NECAB1: variants seen among roughly 807,000 people sequenced by gnomAD.
NECAB1 encodes N-terminal EF-hand calcium-binding protein 1.
NECAB1 carries 29 observed loss-of-function variants against 57.5 expected under a neutral mutation model. The observed-to-expected ratio is 0.50, with a 90% CI of 0.38 to 0.69. NECAB1 has a LOEUF of 0.69. NECAB1 is among the 30% of genes least tolerant of loss of function. The pLI, the probability that NECAB1 is intolerant of heterozygous loss-of-function variation, is 0.00. For missense variants in NECAB1, 372 were observed against 413.8 expected (o/e 0.90, Z 0.88); for synonymous variants, 142 against 147.7 (o/e 0.96, Z 0.28).
chr8:90,833,013 G>T lies in NECAB1; in HGVS notation c.233+8188G>T, dbSNP rs369343627. 5.9e-5 allele frequency among the ~76,000 whole-genome samples: 9 copies of T among 152,102 alleles called. No individual in the cohort carries two copies. In the East Asian group the frequency reaches 1.3e-3, roughly 23 times the overall value. ...AATATATTTGATGTATACTATAGAG[G>T]TAATTGCTTTAATTGCTGCCTTTTT... On this transcript the variant is annotated intron_variant, in intron 3 of 12. Transcript: ENST00000417640.
intron 1 of NECAB1, among the ~76,000 whole-genome samples, chr8:90,792,984 G>A (rs1401832190): frequency 6.6e-6 from 1 of 152,124 alleles, no homozygotes; most frequent in Non-Finnish European, 1.5e-5. Flanking sequence ...TTCTTGTTTA[G>A]GCATGATAGA....
At chr8:90,792,065 G>A in intron 1 of NECAB1, 80 bp downstream of exon 1, 1 of 1,131,192 alleles carries the variant, frequency 8.8e-7, no homozygotes. Flanking sequence ...CGGCTCAGGT[G>A]CTGACCAGCC....
At chr8:90,923,603 T>C (rs1357312223) in intron 6 of NECAB1, among the ~76,000 whole-genome samples, 1 of 151,868 alleles carries the variant, frequency 6.6e-6, no homozygotes, top group Non-Finnish European at 1.5e-5. Context: ...AAAGGACAAA[T>C]CAAACACAAG....
At chr8:90,803,964 A>G (rs1408807469) in intron 2 of NECAB1, among the ~76,000 whole-genome samples, 1 of 152,188 alleles carries the variant, frequency 6.6e-6, no homozygotes, top group Non-Finnish European at 1.5e-5. Flanking sequence ...ACAATTGGAC[A>G]AATTAGCACA....
intron 1 of NECAB1, among the ~76,000 whole-genome samples, chr8:90,799,974 A>G (rs1211780437): frequency 6.6e-6 from 1 of 152,058 alleles, no homozygotes; most frequent in Admixed American, 6.6e-5. Flanking sequence ...GTCATCTATG[A>G]TTTCTTTCAG....
chr8:90,937,990 G>T (rs1301634480), intron 9 of NECAB1, among the ~76,000 whole-genome samples: 1 of 152,118 alleles, frequency 6.6e-6, no homozygotes, highest in Non-Finnish European at 1.5e-5. Context: ...TACAAGAAAG[G>T]CTAGGGTATC....
At chr8:90,848,601 A>G (rs1812614166) in intron 3 of NECAB1, among the ~76,000 whole-genome samples, 1 of 152,216 alleles carries the variant, frequency 6.6e-6, no homozygotes, top group Non-Finnish European at 1.5e-5. Flanking sequence ...GGGAGGCCTC[A>G]CAATCATGGC....
chr8:90,922,486 A>ATTTTTTTTTTTTTTTTTTCTTTTTT (rs1810141669), intron 6 of NECAB1, among the ~76,000 whole-genome samples: 1 of 57,520 alleles, frequency 1.7e-5, no homozygotes, highest in Non-Finnish European at 3.3e-5. Context: ...AAAAACTTGG[A>ATTTTTTTTTTTTTTTTTTCTTTTTT]TTTTTTTTTT....
chr8:90,919,023 T>G (rs1344718954), intron 6 of NECAB1, among the ~76,000 whole-genome samples: 1 of 151,702 alleles, frequency 6.6e-6, no homozygotes, highest in African/African-American at 2.4e-5. Flanking sequence ...AAGTGAATGA[T>G]GGAAATTATT....
intron 9 of NECAB1, among the ~76,000 whole-genome samples, chr8:90,936,367 T>A (rs1586141245): frequency 6.6e-6 from 1 of 152,312 alleles, no homozygotes; most frequent in East Asian, 1.9e-4. Context: ...ACTGATCCTT[T>A]GCTATGTGCC....
intron 2 of NECAB1, 140 bp downstream of exon 2, chr8:90,801,855 A>T: frequency 1.8e-6 from 1 of 568,358 alleles, no homozygotes. Context: ...ATCGTTTTAG[A>T]TAAGTTTTAG....
intron 5 of NECAB1, among the ~76,000 whole-genome samples, chr8:90,908,856 A>G (rs1809757910): frequency 6.6e-6 from 1 of 152,082 alleles, no homozygotes; most frequent in South Asian, 2.1e-4. Flanking sequence ...GTGTTTTATT[A>G]TGGTTTTATT....
chr8:90,885,457 G>A (rs879866919), intron 5 of NECAB1, among the ~76,000 whole-genome samples: 47 of 152,142 alleles, frequency 3.1e-4, no homozygotes, highest in African/African-American at 1.2e-4. Context: ...CCGTGGCTAT[G>A]ACCAAAAAGA....
intron 5 of NECAB1, among the ~76,000 whole-genome samples, chr8:90,884,382 T>C (rs778205375): frequency 6.6e-6 from 1 of 152,208 alleles, no homozygotes; most frequent in Non-Finnish European, 1.5e-5. Context: ...TCCATAGTCC[T>C]TTCACTAAAG....
At chr8:90,823,863 C>G (rs769128041) in intron 2 of NECAB1, among the ~76,000 whole-genome samples, 49 of 151,818 alleles carry the variant, frequency 3.2e-4, no homozygotes, top group African/African-American at 1.1e-3. Flanking sequence ...AGATGCTTCC[C>G]TCTCTTTTCT....
At chr8:90,847,989 T>C (rs1812601053) in intron 3 of NECAB1, among the ~76,000 whole-genome samples, 1 of 152,262 alleles carries the variant, frequency 6.6e-6, no homozygotes, top group Non-Finnish European at 1.5e-5. Flanking sequence ...CCTTGTTACT[T>C]ATGCAAATTT....
intron 2 of NECAB1, among the ~76,000 whole-genome samples, chr8:90,808,640 C>CTT (rs200075536): frequency 0.083 from 6,727 of 81,308 alleles, 523 homozygotes; most frequent in African/African-American, 0.18. Context: ...TTTTTCTTTT[C>CTT]TTTTTTTTTT....
intron 5 of NECAB1, among the ~76,000 whole-genome samples, chr8:90,905,701 T>C (rs1809623780): frequency 6.6e-6 from 1 of 152,226 alleles, no homozygotes; most frequent in African/African-American, 2.4e-5. Flanking sequence ...TCAGCAATTG[T>C]CTCTTTTCTG....
intron 4 of NECAB1, among the ~76,000 whole-genome samples, chr8:90,874,572 T>C (rs987672323): frequency 6.6e-6 from 1 of 152,220 alleles, no homozygotes; most frequent in Admixed American, 6.5e-5. Context: ...GACATTGATA[T>C]ATATGTGTAC....
Sources: allele counts gnomAD v4.1 joint callset (sites outside exome capture counted in the v4.1 genomes callset), GRCh38; gene constraint gnomAD v4.1.1; transcripts MANE v1.5; gene names NCBI Gene and HGNC (gene_info 2026-07-23, HGNC 2026-07-21).